Variants in JAKMIP2 observed in about 807,000 individuals in gnomAD.
The protein encoded by JAKMIP2 is janus kinase and microtubule-interacting protein 2.
Under a neutral mutation model 115.0 loss-of-function variants are expected in JAKMIP2, and 25 were observed. The ratio of observed to expected loss-of-function variants is 0.22; its 90% CI spans 0.16 to 0.30. The LOEUF (loss-of-function observed/expected upper bound fraction) is 0.30. Among genes scored for constraint, JAKMIP2 ranks in the 10% least tolerant of loss-of-function variants. The pLI, the probability that JAKMIP2 is intolerant of heterozygous loss-of-function variation, is 1.00. For missense variants in JAKMIP2, 642 were observed against 957.6 expected (o/e 0.67, Z 4.35); for synonymous variants, 334 against 343.6 (o/e 0.97, Z 0.31).
intron 1 of JAKMIP2, among the ~76,000 whole-genome samples, chr5:147,734,388 AAACT>A (rs1753841983): frequency 6.6e-6 from 1 of 152,058 alleles, no homozygotes; most frequent in South Asian, 2.1e-4. Flanking sequence ...CATTCTCAGC[AAACT>A]AACACAGGAA....
chr5:147,597,126 G>T (rs372709008), intron 21 of JAKMIP2, among the ~76,000 whole-genome samples: 1 of 150,866 alleles, frequency 6.6e-6, no homozygotes, highest in East Asian at 2.0e-4. Context: ...CAGGTGATCC[G>T]CCTGCCTCAG....
intron 1 of JAKMIP2, among the ~76,000 whole-genome samples, chr5:147,743,313 T>C (rs1222054793): frequency 6.6e-6 from 1 of 152,226 alleles, no homozygotes; most frequent in Non-Finnish European, 1.5e-5. Context: ...TGTAGAAGGC[T>C]GGTTAACCTG....
intron 20 of JAKMIP2, among the ~76,000 whole-genome samples, chr5:147,602,859 T>G (rs1755779766): frequency 6.6e-6 from 1 of 152,192 alleles, no homozygotes; most frequent in Admixed American, 6.5e-5. Context: ...TGCTACTGCT[T>G]ATAAGGTTCT....
intron 1 of JAKMIP2, among the ~76,000 whole-genome samples, chr5:147,710,338 C>G (rs1752731212): frequency 6.6e-6 from 1 of 152,080 alleles, no homozygotes; most frequent in African/African-American, 2.4e-5. Flanking sequence ...ACAATTTTAT[C>G]ACTGCTTCCA....
intron 1 of JAKMIP2, among the ~76,000 whole-genome samples, chr5:147,705,664 A>G (rs890733916): frequency 9.9e-5 from 15 of 152,178 alleles, no homozygotes; most frequent in Non-Finnish European, 2.9e-5. Flanking sequence ...CAAGTGAAAT[A>G]TAAGGTTACT....
intron 4 of JAKMIP2, among the ~76,000 whole-genome samples, chr5:147,649,507 C>T (rs1758290050): frequency 6.6e-6 from 1 of 152,010 alleles, no homozygotes; most frequent in Admixed American, 6.6e-5. Flanking sequence ...GGATTTGAAC[C>T]AAAGAGTCTG....
At chr5:147,629,518 T>C (rs1474415454) in intron 15 of JAKMIP2, among the ~76,000 whole-genome samples, 175 bp downstream of exon 15, 1 of 152,112 alleles carries the variant, frequency 6.6e-6, no homozygotes, top group Non-Finnish European at 1.5e-5. Context: ...CTTCCAGAGA[T>C]CCTTACAACC....
chr5:147,758,329 G>A (rs947313344), intron 1 of JAKMIP2, among the ~76,000 whole-genome samples: 8 of 152,144 alleles, frequency 5.3e-5, no homozygotes, highest in African/African-American at 1.2e-4. Flanking sequence ...AAATGCAAAT[G>A]AAGGCTAATT....
chr5:147,655,934 C>G (rs1295325564), intron 3 of JAKMIP2, among the ~76,000 whole-genome samples: 2 of 152,112 alleles, frequency 1.3e-5, no homozygotes, highest in African/African-American at 4.8e-5. Flanking sequence ...TTGATTTCTG[C>G]CTTAATTTTG....
chr5:147,718,645 G>A (rs1753121596), intron 1 of JAKMIP2, among the ~76,000 whole-genome samples: 1 of 151,886 alleles, frequency 6.6e-6, no homozygotes, highest in South Asian at 2.1e-4. Flanking sequence ...AGAGGTGTTT[G>A]TAGTATTCTC....
intron 1 of JAKMIP2, among the ~76,000 whole-genome samples, chr5:147,672,987 C>T (rs923381170): frequency 6.6e-6 from 1 of 152,146 alleles, no homozygotes; most frequent in East Asian, 1.9e-4. Context: ...TTTCAGCAAG[C>T]AATGGGAAAG....
At chr5:147,766,140 C>T (rs1234334723) in intron 1 of JAKMIP2, among the ~76,000 whole-genome samples, 1 of 152,128 alleles carries the variant, frequency 6.6e-6, no homozygotes, top group Non-Finnish European at 1.5e-5. Flanking sequence ...TTCTCCTTCT[C>T]CCTCTCGGCC....
At chr5:147,686,292 G>T (rs1760566291) in intron 1 of JAKMIP2, among the ~76,000 whole-genome samples, 1 of 152,112 alleles carries the variant, frequency 6.6e-6, no homozygotes, top group African/African-American at 2.4e-5. Flanking sequence ...CAGTCAGTTA[G>T]ATTGGAACTT....
At chr5:147,751,192 C>T (rs1231069508) in intron 1 of JAKMIP2, among the ~76,000 whole-genome samples, 1 of 151,968 alleles carries the variant, frequency 6.6e-6, no homozygotes, top group Non-Finnish European at 1.5e-5. Flanking sequence ...CTACCTCAGC[C>T]TCCCAAGCAG....
chr5:147,746,027 T>A (rs1047335263), intron 1 of JAKMIP2, among the ~76,000 whole-genome samples: 5 of 152,174 alleles, frequency 3.3e-5, no homozygotes, highest in Non-Finnish European at 1.5e-5. Flanking sequence ...TTAGTGGTGT[T>A]GAAGATAGAA....
At chr5:147,692,562 T>A (rs1468052111) in intron 1 of JAKMIP2, among the ~76,000 whole-genome samples, 2 of 152,234 alleles carry the variant, frequency 1.3e-5, no homozygotes, top group Non-Finnish European at 2.9e-5. Flanking sequence ...ATTTTTTAAA[T>A]CAATATTTAT....
At chr5:147,637,454 T>TTTTTTTTTTTTTTTTTTTC in intron 10 of JAKMIP2, among the ~76,000 whole-genome samples, 1 of 147,392 alleles carries the variant, frequency 6.8e-6, no homozygotes, top group Non-Finnish European at 1.5e-5. Flanking sequence ...TTTTTTTTTT[T>TTTTTTTTTTTTTTTTTTTC]TTTGAGACAG....
intron 20 of JAKMIP2, among the ~76,000 whole-genome samples, chr5:147,606,138 TTC>T (rs1362975130): frequency 6.6e-6 from 1 of 152,080 alleles, no homozygotes; most frequent in African/African-American, 2.4e-5. Flanking sequence ...AGGTTATCTG[TTC>T]ACTCTGATGA....
chr5:147,653,169 A>G (rs1165230261), intron 3 of JAKMIP2, among the ~76,000 whole-genome samples: 1 of 152,196 alleles, frequency 6.6e-6, no homozygotes, highest in African/African-American at 2.4e-5. Flanking sequence ...TGCAATAAAC[A>G]TACGTGTGAA....
Sources: allele counts gnomAD v4.1 joint callset (sites outside exome capture counted in the v4.1 genomes callset), GRCh38; gene constraint gnomAD v4.1.1; transcripts MANE v1.5; gene names NCBI Gene and HGNC (gene_info 2026-07-23, HGNC 2026-07-21).